Variants in ENTR1 observed in about 807,000 individuals in gnomAD.
The protein encoded by ENTR1 is endosome-associated-trafficking regulator 1.
A neutral mutation model predicts 47.9 loss-of-function variants in ENTR1; 47 were observed. The observed-to-expected ratio is 0.98, with a 90% CI of 0.78 to 1.25. The LOEUF is 1.25. ENTR1 is among the 50% of genes most tolerant of loss of function. The pLI, the probability that ENTR1 is intolerant of heterozygous loss-of-function variation, is 0.00. For synonymous variants in ENTR1, 290 were observed against 245.8 expected (o/e 1.18, Z -1.68); for missense variants, 668 against 570.5 (o/e 1.17, Z -1.74).
chr9:136,406,043 G>A lies in ENTR1; in HGVS notation c.820-65C>T, dbSNP rs1009347169. 6.7e-6 allele frequency: 8 copies of A among 1,190,954 alleles called. No individual in the cohort carries two copies. The South Asian group carries it at 8.1e-5, about 12-fold the overall frequency. The allele number at this position is 1,190,954 out of a possible 1,614,324, so 73.8% of individuals were successfully genotyped here. A position where few individuals can be genotyped will look rare whatever the true frequency, so the allele number is the denominator to read the frequency against. On this transcript the variant is annotated intron_variant, in intron 5 of 9. Transcript: ENST00000357365. ...CTGGCTCAAAAGGGCGTGTGCTTCT[G>A]CGGTGTGGCTCCAGAGCCTCCTGAT...
chr9:136,407,157 T>C lies in ENTR1; in HGVS notation c.807A>G (p.Ile269Met). Residue 269 changes from isoleucine to methionine, a missense_variant, in exon 5 of 10, where the codon ATA becomes ATG. Ile to Met is a conservative substitution (Grantham distance 10). Transcript: ENST00000357365. ...LGDRHLRTLQ[I>M]SYDALKDENS... ...GAGGCTCACTTACTGCGTCGTAACT[T>C]ATCTGCAGCGTCCGCAGGTGCCTGT... 6.3e-7 allele frequency: 1 copy of C among 1,599,404 alleles called. No homozygotes were observed. Among genetic ancestry groups the C allele is most frequent in the Non-Finnish European group, 8.5e-7 (1 of 1,170,122 alleles).
intron 2 of ENTR1, among the ~76,000 whole-genome samples, chr9:136,409,478 G>T (rs1387158062): frequency 6.6e-6 from 1 of 152,154 alleles, no homozygotes; most frequent in Admixed American, 6.5e-5. Context: ...ACTGCGCCCG[G>T]TCAGCCGAGA....
chr9:136,405,325 G>A, intron 6 of ENTR1, 123 bp from the exon 7 acceptor site: 3 of 752,046 alleles, frequency 4.0e-6, no homozygotes, highest in Non-Finnish European at 6.7e-6. Context: ...CTCAGGCACA[G>A]AGGGGAGGCA....
In ENTR1 at chr9:136,404,159, G is replaced by A. The variant is rs766806409; in HGVS notation, c.1104C>T (p.Ala368=). The change falls in exon 9 of 10, where the codon GCC becomes GCT. Residue 368 remains alanine (A), a synonymous_variant. Coordinates refer to ENST00000357365, the MANE Select transcript of ENTR1 (RefSeq NM_001039707.2). ...GGCTGGCACCCTGGCCGCACCGCAG[G>A]GCTTCATTCTCTCGCTGGAAGTTGG... ...QVSNFQRENE[A]LRCGQGASLT... 3 of 1,612,300 alleles carry A rather than the reference G, an allele frequency of 1.9e-6. No homozygotes were observed. Among genetic ancestry groups the A allele is most frequent in the South Asian group, 1.1e-5 (1 of 91,026 alleles).
Position 136,402,052 on chromosome 9 carries a change from G to T in ENTR1, c.*736C>A, listed in dbSNP as rs1834514013. On this transcript the variant is annotated 3_prime_UTR_variant, in exon 10 of 10. Transcript: ENST00000357365. The stretch of plus-strand genomic sequence containing the variant: ...GTGCTCATCGCCGTCCCTCTGAGGG[G>T]GGCCGTCAGAAAGGCAACTGGGACC... The T allele has an allele frequency of 6.5e-6, 1 of 152,816 alleles. No individual in the cohort carries two copies. Among genetic ancestry groups the T allele is most frequent in the South Asian group, 2.1e-4 (1 of 4,828 alleles). The allele number at this position is 152,816 out of a possible 1,614,324, so 9.5% of individuals were successfully genotyped here. A position where few individuals can be genotyped will look rare whatever the true frequency, so the allele number is the denominator to read the frequency against.
In ENTR1 at chr9:136,410,310, G is replaced by T. The variant is rs1364343062; in HGVS notation, c.70+18C>A. On this transcript the variant is annotated intron_variant, in intron 1 of 9. Coordinates refer to ENST00000357365, the MANE Select transcript of ENTR1 (RefSeq NM_001039707.2). ...GCCGCCCACCTGGACCGCTGGACTC[G>T]GCCCCTGCCCCGCTCACCGTCGGGA... The T allele has an allele frequency of 6.5e-7, 1 of 1,549,650 alleles. No individual in the cohort carries two copies. Among genetic ancestry groups the T allele is most frequent in the East Asian group, 2.4e-5 (1 of 40,902 alleles).
chr9:136,405,511 G>C (rs910404485), intron 6 of ENTR1, among the ~76,000 whole-genome samples: 1 of 152,254 alleles, frequency 6.6e-6, no homozygotes, highest in Non-Finnish European at 1.5e-5. Flanking sequence ...CCTGAGGCAG[G>C]AGGATTCCTT....
intron 9 of ENTR1, among the ~76,000 whole-genome samples, chr9:136,403,404 G>C (rs1308179557): frequency 8.5e-5 from 9 of 106,186 alleles, no homozygotes; most frequent in Non-Finnish European, 1.3e-4. Flanking sequence ...GGGAGCAAGG[G>C]GTGGGGTTTG....
intron 7 of ENTR1, 90 bp downstream of exon 7, chr9:136,405,001 C>A: frequency 9.7e-7 from 1 of 1,026,478 alleles, no homozygotes. Flanking sequence ...CTCCCAAGGG[C>A]AGGCTGCACC....
intron 5 of ENTR1, among the ~76,000 whole-genome samples, chr9:136,406,793 T>A (rs1232817496): frequency 3.3e-5 from 5 of 152,152 alleles, no homozygotes; most frequent in Admixed American, 6.5e-5. Flanking sequence ...TTTTTTTTTT[T>A]ATTCAGAGCT....
chr9:136,405,698 C>T (rs890046112), intron 6 of ENTR1, among the ~76,000 whole-genome samples: 3 of 152,136 alleles, frequency 2.0e-5, no homozygotes, highest in African/African-American at 4.8e-5. Context: ...GCCGTGATTG[C>T]GCCACTGCAC....
intron 3 of ENTR1, 115 bp downstream of exon 3, chr9:136,408,884 G>A: frequency 1.4e-6 from 1 of 714,074 alleles, no homozygotes; most frequent in Admixed American, 2.0e-5. Flanking sequence ...ACCCCCACCT[G>A]CTCTTTTGGG....
Position 136,410,102 on chromosome 9 carries a change from C to T in ENTR1, c.208G>A (p.Val70Met), listed in dbSNP as rs752987111. The change falls in exon 2 of 10, where the codon GTG (valine) becomes ATG (methionine). Residue 70 changes from valine (V) to methionine (M), a missense_variant. Coordinates refer to ENST00000357365, the MANE Select transcript of ENTR1 (RefSeq NM_001039707.2). Reference sequence around the variant, plus strand: ...CCTCGTCTCTCACCTGTGTCTCCCACGGAAGCCAGCACCGGGCTGGGCACA... The same window carrying T: ...CCTCGTCTCTCACCTGTGTCTCCCATGGAAGCCAGCACCGGGCTGGGCACA... Reference protein sequence around the residue: ...CYVPSPVLASVGDTDFGYGKG... With the variant: ...CYVPSPVLASMGDTDFGYGKG... 1 of 1,612,816 alleles carries T rather than the reference C, an allele frequency of 6.2e-7. No homozygotes were observed. The highest frequency in any genetic ancestry group is 8.5e-7 in the Non-Finnish European group (1 of 1,179,924).
Position 136,407,929 on chromosome 9 carries a change from A to C in ENTR1, c.299T>G (p.Phe100Cys), listed in dbSNP as rs891864192. Residue 100 changes from phenylalanine (F) to cysteine (C), a missense_variant, in exon 4 of 10, where the codon TTT becomes TGT. By Grantham distance (205) the Phe-to-Cys change is radical (BLOSUM62 -2). Transcript: ENST00000357365. ...TGGATTTGCCTCTTCCAGATCTTCA[A>C]ATCTGTCATCTGAAATAACAGACAT... ...AHGTHFGDDR[F>C]EDLEEANPFS... 1 of 1,597,792 alleles carries C rather than the reference A, an allele frequency of 6.3e-7. No individual in the cohort carries two copies. Among genetic ancestry groups the C allele is most frequent in the South Asian group, 1.1e-5 (1 of 90,790 alleles).
At chr9:136,408,446 T>C (rs10870135) in intron 3 of ENTR1, among the ~76,000 whole-genome samples, 24,688 of 150,212 alleles carry the variant, frequency 0.16, 2,390 homozygotes, top group Admixed American at 0.25. Flanking sequence ...GGCGTGGTGG[T>C]GAGCGCCTGT....
intron 5 of ENTR1, 143 bp from the exon 6 acceptor site, chr9:136,406,121 G>A: frequency 7.9e-6 from 4 of 506,788 alleles, no homozygotes; most frequent in Non-Finnish European, 1.4e-5. Flanking sequence ...TACAGAGGGA[G>A]ACCACAGACG....
intron 3 of ENTR1, among the ~76,000 whole-genome samples, chr9:136,408,401 A>C (rs1281678754): frequency 2.0e-5 from 3 of 151,856 alleles, no homozygotes; most frequent in East Asian, 1.9e-4. Flanking sequence ...ACACGGTGAA[A>C]CCTCATCTCT....
Position 136,402,524 on chromosome 9 carries a change from T to C in ENTR1, c.*264A>G, listed in dbSNP as rs887223534. The C allele has an allele frequency of 6.0e-6, 2 of 335,090 alleles. No homozygotes were observed. The highest frequency in any genetic ancestry group is 4.7e-5 in the Admixed American group (1 of 21,360). 20.8% of individuals were successfully genotyped at this position (335,090 alleles called of 1,614,324 possible). ...TTAAAATCACTGGCTTTTATGACAATGTCTTCCAAGAGCTCATTAGAATCT... is the reference window on the plus strand; with the variant it reads ...TTAAAATCACTGGCTTTTATGACAACGTCTTCCAAGAGCTCATTAGAATCT... On this transcript the variant is annotated 3_prime_UTR_variant, in exon 10 of 10. Coordinates refer to ENST00000357365, the MANE Select transcript of ENTR1 (RefSeq NM_001039707.2).
chr9:136,409,679 TC>T (rs1180674139), intron 2 of ENTR1, among the ~76,000 whole-genome samples: 1 of 151,730 alleles, frequency 6.6e-6, no homozygotes, highest in African/African-American at 2.4e-5. Flanking sequence ...ACACAAACAC[TC>T]CTGCACACCC....
Sources: gnomAD v4.1 joint callset for allele counts (sites outside exome capture counted in the v4.1 genomes callset) on GRCh38, gnomAD v4.1.1 for gene constraint, MANE v1.5 for transcripts, NCBI Gene and HGNC (gene_info 2026-07-23, HGNC 2026-07-21) for gene names.